The following PLA2R1 variants were observed in gnomAD, a reference collection of about 807,000 sequenced individuals.
The protein encoded by PLA2R1 is phospholipase A2 receptor 1, also known as secretory phospholipase A2 receptor.
Under a neutral mutation model 195.9 loss-of-function variants are expected in PLA2R1, and 158 were observed. The ratio of observed to expected loss-of-function variants is 0.81; its 90% CI spans 0.71 to 0.92. The LOEUF (loss-of-function observed/expected upper bound fraction) is 0.92, where lower values mean the gene tolerates loss of function less well. PLA2R1 is among the 40% of genes least tolerant of loss of function. PLA2R1 has a pLI of 0.00. For synonymous variants in PLA2R1, 586 were observed against 598.2 expected (o/e 0.98, Z 0.30); for missense variants, 1,626 against 1,764.6 (o/e 0.92, Z 1.41).
chr2:159,999,347 A>AT (rs916593884), intron 11 of PLA2R1, among the ~76,000 whole-genome samples: 1,528 of 7,194 alleles, frequency 0.21, 607 homozygotes, highest in Middle Eastern at 0.27. Context: ...ACATTACGTA[A>AT]TTTTTTTTTT....
At chr2:159,944,840 A>G in intron 28 of PLA2R1, 66 bp downstream of exon 28, 1 of 1,221,062 alleles carries the variant, frequency 8.2e-7, no homozygotes, top group South Asian at 1.3e-5. Context: ...TTTAAATGCT[A>G]AAGAAGTCAG....
downstream of PLA2R1, among the ~76,000 whole-genome samples, chr2:159,927,322 G>A (rs1485386997): frequency 6.6e-6 from 1 of 152,076 alleles, no homozygotes; most frequent in African/African-American, 2.4e-5. Context: ...TGACTTGCAG[G>A]GCTGTTTGTT....
intron 3 of PLA2R1, among the ~76,000 whole-genome samples, chr2:160,038,642 C>T (rs749896089): frequency 3.3e-5 from 5 of 151,914 alleles, no homozygotes; most frequent in Non-Finnish European, 5.9e-5. Flanking sequence ...GATCTTTTTG[C>T]CATTATGAGG....
Position 160,005,742 on chromosome 2 carries a change from C to A in PLA2R1, c.1744G>T (p.Asp582Tyr). ...KDSYFWIALQ[D>Y]QNDTGEYTWK... ...GTGTATTCTCCCGTATCATTTTGGT[C>A]CTGAAGAGCTATCCAAAAATAACTG... Residue 582 changes from aspartate (D) to tyrosine (Y), a missense_variant, in exon 11 of 30, where the codon GAC (aspartate) becomes TAC (tyrosine). By Grantham distance (160) the Asp-to-Tyr change is radical. Coordinates refer to ENST00000283243, the MANE Select transcript of PLA2R1 (RefSeq NM_007366.5). The A allele has an allele frequency of 6.2e-7, 1 of 1,612,940 alleles. No homozygotes were observed. Among genetic ancestry groups the A allele is most frequent in the Non-Finnish European group, 8.5e-7 (1 of 1,179,004 alleles).
chr2:160,009,724 TA>T (rs56239517), intron 10 of PLA2R1, among the ~76,000 whole-genome samples: 84,231 of 151,878 alleles, frequency 0.55, 23,734 homozygotes, highest in East Asian at 0.6. Flanking sequence ...TTTACCACAA[TA>T]AAAAAAATAT....
At position 159,976,663 on chromosome 2, in the gene PLA2R1, G is replaced by C. The variant is rs1259167104; in HGVS notation, c.2437+22C>G. 2.0e-6 allele frequency: 3 copies of C among 1,510,448 alleles called. No individual in the cohort carries two copies. The African/African-American group carries it at 4.1e-5, about 21-fold the overall frequency. 93.6% of individuals were successfully genotyped at this position (1,510,448 alleles called of 1,614,324 possible). A position where few individuals can be genotyped will look rare whatever the true frequency, so the allele number is the denominator to read the frequency against. ...TATATATTAATAATTAGAAATTCAA[G>C]AGCTGCCAGAGTCATTCTTACCGTA... is the stretch of plus-strand genomic sequence containing the variant. On this transcript the variant is annotated intron_variant, in intron 16 of 29. Coordinates refer to ENST00000283243, the MANE Select transcript of PLA2R1 (RefSeq NM_007366.5).
At chr2:159,990,310 C>T (rs758722549) in intron 11 of PLA2R1, among the ~76,000 whole-genome samples, 1 of 152,134 alleles carries the variant, frequency 6.6e-6, no homozygotes, top group South Asian at 2.1e-4. Flanking sequence ...TCCTTACCTG[C>T]CTTACCCCCA....
At chr2:159,983,048 G>C (rs1460810853) in intron 13 of PLA2R1, among the ~76,000 whole-genome samples, 1 of 152,148 alleles carries the variant, frequency 6.6e-6, no homozygotes, top group African/African-American at 2.4e-5. Flanking sequence ...GCCAAACTCG[G>C]GGGTGGGGGG....
rs1689062717 is a variant in PLA2R1 at position 159,970,167 on chromosome 2, T to C, written c.2641A>G (p.Arg881Gly). 2.5e-6 allele frequency: 4 copies of C among 1,608,604 alleles called. No individual in the cohort carries two copies. Among genetic ancestry groups the C allele is most frequent in the African/African-American group, 1.3e-5 (1 of 74,926 alleles). Residue 881 changes from arginine to glycine, a missense_variant, in exon 18 of 30, where the codon AGA becomes GGA. Arg to Gly is a moderately radical substitution (Grantham distance 125). Coordinates refer to ENST00000283243, the MANE Select transcript of PLA2R1 (RefSeq NM_007366.5). ...TCATACCGAAATTCATCATTGGCTC[T>C]TTCTTCTTGAAGTCCAATCCACCAA... ...ASWWIGLQEERANDEFRWRDG... is the reference protein window; with the variant it reads ...ASWWIGLQEEGANDEFRWRDG...
intron 8 of PLA2R1, among the ~76,000 whole-genome samples, chr2:160,016,971 T>C (rs1025904068): frequency 6.6e-6 from 1 of 152,216 alleles, no homozygotes; most frequent in Non-Finnish European, 1.5e-5. Context: ...TGGTGCTTCT[T>C]GATAGCTGCC....
At chr2:160,016,263 C>CAA (rs11396932) in intron 9 of PLA2R1, among the ~76,000 whole-genome samples, 20,462 of 102,618 alleles carry the variant, frequency 0.2, 2,515 homozygotes, top group Admixed American at 0.36. Flanking sequence ...GACTCTGTCT[C>CAA]AAAAAAAAAA....
chr2:160,042,820 T>C (rs1047024763), intron 2 of PLA2R1, among the ~76,000 whole-genome samples: 22 of 115,200 alleles, frequency 1.9e-4, no homozygotes, highest in African/African-American at 5.2e-4. Context: ...TGTGTGTGTG[T>C]GTGTGTGTGT....
intron 11 of PLA2R1, among the ~76,000 whole-genome samples, chr2:159,994,291 A>C (rs1288721607): frequency 6.6e-6 from 1 of 152,158 alleles, no homozygotes; most frequent in Admixed American, 6.6e-5. Flanking sequence ...AGGAAAATTT[A>C]TAAGACAAAA....
At chr2:160,002,984 T>G (rs554866063) in intron 11 of PLA2R1, among the ~76,000 whole-genome samples, 1 of 152,198 alleles carries the variant, frequency 6.6e-6, no homozygotes, top group African/African-American at 2.4e-5. Context: ...CTACATTGAT[T>G]CTATTTTTTC....
In PLA2R1 at chr2:160,000,507, G is replaced by A. The variant is rs141741211; in HGVS notation, c.1834+5145C>T. On this transcript the variant is annotated intron_variant, in intron 11 of 29. Transcript: ENST00000283243. ...GAGCCCAACTTCACCCTGGGGGTGA[G>A]AGAACTCCCATAAATAAAGTACAAA... is the stretch of plus-strand genomic sequence containing the variant. Among the ~76,000 whole-genome samples the A allele has an allele frequency of 1.3e-4, 20 of 152,224 alleles. No individual in the cohort carries two copies. In the East Asian group the frequency reaches 3.5e-3, roughly 26 times the overall value.
intron 3 of PLA2R1, among the ~76,000 whole-genome samples, chr2:160,034,376 C>G (rs1305562379): frequency 1.3e-5 from 2 of 152,048 alleles, no homozygotes; most frequent in African/African-American, 4.8e-5. Context: ...ACAAGGCTAT[C>G]ACCAAGTAAC....
intron 1 of PLA2R1, among the ~76,000 whole-genome samples, chr2:160,046,143 C>T (rs1694850234): frequency 6.6e-6 from 1 of 152,208 alleles, no homozygotes; most frequent in African/African-American, 2.4e-5. Context: ...AGTCTCATTT[C>T]TTTGGTCTAA....
In PLA2R1 at chr2:159,932,695, A is replaced by G. The variant is rs1686637830; in HGVS notation, c.*9083T>C. 1 of 152,226 alleles carries G rather than the reference A, an allele frequency of 6.6e-6. No homozygotes were observed. The highest frequency in any genetic ancestry group is 2.4e-5 in the African/African-American group (1 of 41,450). The allele number at this position is 152,226 out of a possible 1,614,324, so 9.4% of individuals were successfully genotyped here. On this transcript the variant is annotated 3_prime_UTR_variant, in exon 30 of 30. Coordinates refer to ENST00000283243, the MANE Select transcript of PLA2R1 (RefSeq NM_007366.5). ...AAAGTTTAAATAATCTCTTAGAAGT[A>G]GGAACTCAAGGAGCTCAAGTTAATT...
chr2:159,935,945 A>ATTTTTTTTTTTTTTTTTTTT lies in PLA2R1; in HGVS notation c.*5813_*5832dup, dbSNP rs56240008. On this transcript the variant is annotated 3_prime_UTR_variant, in exon 30 of 30. Transcript: ENST00000283243. ...GCAGTAAAAATATGTATATAAATTA[A>ATTTTTTTTTTTTTTTTTTTT]TTTTTTTTTTTTTTTTTTTTTTTTG... 64 of 107,208 alleles carry ATTTTTTTTTTTTTTTTTTTT rather than the reference A, an allele frequency of 6.0e-4. 5 individuals carry two copies. The highest frequency in any genetic ancestry group is 2.6e-3 in the South Asian group (6 of 2,308). The allele number at this position is 107,208 out of a possible 1,614,324, so 6.6% of individuals were successfully genotyped here.
Sources: allele counts gnomAD v4.1 joint callset (sites outside exome capture counted in the v4.1 genomes callset), GRCh38; gene constraint gnomAD v4.1.1; transcripts MANE v1.5; gene names NCBI Gene and HGNC (gene_info 2026-07-23, HGNC 2026-07-21).